The following PTGR2 variants were observed in gnomAD, a reference collection of about 807,000 sequenced individuals.
PTGR2 encodes the protein 15-oxoprostaglandin 13-reductase.
In PTGR2, 32 loss-of-function variants were observed where a neutral mutation model predicts 43.4. The ratio of observed to expected loss-of-function variants is 0.74; its 90% confidence interval spans 0.56 to 0.99. PTGR2 has a LOEUF of 0.99. Ranked by LOEUF, PTGR2 falls within the 50% of genes least tolerant of loss-of-function variation. PTGR2 has a pLI of 0.00. For synonymous variants in PTGR2, 106 were observed against 139.2 expected, an observed-to-expected ratio of 0.76 and a Z score of 1.68; for missense variants, 373 against 420.0, an observed-to-expected ratio of 0.89 and a Z score of 0.98.
chr14:73,880,263 C>T (rs781161723), intron 7 of PTGR2, 87 bp downstream of exon 7: 2 of 1,501,344 alleles, frequency 1.3e-6, no homozygotes, highest in Non-Finnish European at 1.8e-6. Context: ...TCTTCATAGA[C>T]ACTTTTTCTT....
chr14:73,884,710 G>C lies in PTGR2; in HGVS notation c.*533G>C, dbSNP rs1307054865. On this transcript the variant is annotated 3_prime_UTR_variant, in exon 10 of 10. Transcript: ENST00000555661. ...TGGTATGATGTGTACATAGGGACTGGGGGCAGGATTGGGGGTTTCGGAGCT... is the reference window on the plus strand; with the variant it reads ...TGGTATGATGTGTACATAGGGACTGCGGGCAGGATTGGGGGTTTCGGAGCT... 6.6e-6 allele frequency: 1 copy of C among 152,150 alleles called. No individual in the cohort carries two copies. The highest frequency in any genetic ancestry group is 1.5e-5 in the Non-Finnish European group (1 of 68,156). The allele number at this position is 152,150 out of a possible 1,614,324, so 9.4% of individuals were successfully genotyped here. A position where few individuals can be genotyped will look rare whatever the true frequency, so the allele number is the denominator to read the frequency against.
rs758597732 is a variant in PTGR2 at position 73,874,082 on chromosome 14, AGTC to A, written c.219_221del (p.Val74del). ...ATATAACACCTTGGCAGCTATCTCAAGTCGTTGATGGAGGAGGTATTGGAATTA... is the reference window on the plus strand; with the variant it reads ...ATATAACACCTTGGCAGCTATCTCAAGTTGATGGAGGAGGTATTGGAATTA... On this transcript the variant is annotated inframe_deletion, in exon 4 of 10. Coordinates refer to ENST00000555661, the MANE Select transcript of PTGR2 (RefSeq NM_001146154.2). 1.1e-5 allele frequency: 18 copies of A among 1,613,848 alleles called. No individual in the cohort carries two copies. Among genetic ancestry groups the A allele is most frequent in the Non-Finnish European group, 1.5e-5 (18 of 1,179,862 alleles).
chr14:73,876,562 A>G (rs2054870772), intron 4 of PTGR2, among the ~76,000 whole-genome samples: 1 of 143,354 alleles, frequency 7.0e-6, no homozygotes, highest in Admixed American at 7.5e-5. Context: ...GCTCACTGCA[A>G]CCTCCTGGGT....
chr14:73,853,138 T>A (rs1343184999), intron 1 of PTGR2, among the ~76,000 whole-genome samples: 1 of 151,964 alleles, frequency 6.6e-6, no homozygotes, highest in Non-Finnish European at 1.5e-5. Context: ...ATACGTTTTA[T>A]AACAAGGCGT....
At chr14:73,877,304 C>A (rs2054888995) in intron 5 of PTGR2, 136 bp downstream of exon 5, 2 of 803,458 alleles carry the variant, frequency 2.5e-6, no homozygotes, top group Non-Finnish European at 3.7e-6. Flanking sequence ...GAGACAGAGT[C>A]TCCAGGCTGG....
intron 1 of PTGR2, among the ~76,000 whole-genome samples, chr14:73,857,664 G>GTTTTTTTTTTTTTTTTTTTTTTT (rs1213963564): frequency 1.5e-5 from 1 of 64,694 alleles, no homozygotes. Flanking sequence ...AGCAGTTAGT[G>GTTTTTTTTTTTTTTTTTTTTTTT]TTTTTTTTTT....
At chr14:73,862,107 C>CT (rs974600869) in intron 3 of PTGR2, among the ~76,000 whole-genome samples, 32 of 144,344 alleles carry the variant, frequency 2.2e-4, no homozygotes, top group Middle Eastern at 3.7e-3. Flanking sequence ...TCAAACTGTT[C>CT]TTTTTTTTTT....
chr14:73,884,091 CTT>C lies in PTGR2; in HGVS notation c.980-6_980-5del, dbSNP rs34322672. 3,215 of 1,584,556 alleles carry C rather than the reference CTT, an allele frequency of 2.0e-3. 60 individuals carry two copies. The African/African-American group carries it at 0.039, about 19-fold the overall frequency. ...TATCTTTTCAGATAACCTACTTTCT[CTT>C]TTTCCAGCTGCATTCCAGTCCATGA... On this transcript the variant is annotated splice_region_variant and splice_polypyrimidine_tract_variant and intron_variant, in intron 9 of 9. Coordinates refer to ENST00000555661, the MANE Select transcript of PTGR2 (RefSeq NM_001146154.2).
At chr14:73,880,631 T>A (rs868735599) in intron 7 of PTGR2, among the ~76,000 whole-genome samples, 1 of 152,076 alleles carries the variant, frequency 6.6e-6, no homozygotes, top group African/African-American at 2.4e-5. Context: ...ACACATTTTT[T>A]AAGCTGGTTC....
At chr14:73,869,282 C>T (rs557271882) in intron 3 of PTGR2, among the ~76,000 whole-genome samples, 4 of 152,066 alleles carry the variant, frequency 2.6e-5, no homozygotes, top group African/African-American at 9.6e-5. Flanking sequence ...ACTTATAATC[C>T]CAGCACACTG....
intron 1 of PTGR2, chr14:73,858,260 C>T (rs2007139): frequency 0.83 from 126,231 of 152,082 alleles, 52,989 homozygotes; most frequent in East Asian, 0.94. Context: ...CCAAAAACAT[C>T]TTGCCCCACT....
At chr14:73,874,502 CAG>C (rs2054810955) in intron 4 of PTGR2, 1 of 495,204 alleles carries the variant, frequency 2.0e-6, no homozygotes, top group South Asian at 1.6e-5. Context: ...TGGAGCCTCA[CAG>C]AAGAATAGGA....
intron 3 of PTGR2, among the ~76,000 whole-genome samples, chr14:73,873,465 C>CTT (rs373183552): frequency 1.4e-5 from 2 of 145,856 alleles, no homozygotes; most frequent in Non-Finnish European, 1.5e-5. Flanking sequence ...CTTTTCTTTT[C>CTT]TTTTTTTTTT....
intron 3 of PTGR2, among the ~76,000 whole-genome samples, chr14:73,870,721 C>G (rs1266037373): frequency 1.3e-5 from 2 of 151,564 alleles, no homozygotes; most frequent in African/African-American, 2.4e-5. Flanking sequence ...AAAGTCCTGG[C>G]CTCAAGCGAT....
At chr14:73,855,508 G>A (rs151314904) in intron 1 of PTGR2, among the ~76,000 whole-genome samples, 9 of 151,946 alleles carry the variant, frequency 5.9e-5, no homozygotes, top group African/African-American at 9.6e-5. Flanking sequence ...GTACAGTGGC[G>A]TGATCTCGGC....
intron 7 of PTGR2, 60 bp downstream of exon 7, chr14:73,880,236 TG>T (rs747491575): frequency 6.3e-7 from 1 of 1,582,124 alleles, no homozygotes; most frequent in African/African-American, 1.3e-5. Context: ...ATCATAGATG[TG>T]TATGAAATCT....
intron 9 of PTGR2, among the ~76,000 whole-genome samples, chr14:73,883,595 C>T (rs1338832651): frequency 1.3e-5 from 2 of 151,936 alleles, no homozygotes; most frequent in African/African-American, 4.8e-5. Context: ...AGGTGATGCT[C>T]CCACCTTAGC....
chr14:73,863,073 G>T (rs1482975682), intron 3 of PTGR2, among the ~76,000 whole-genome samples: 1 of 152,060 alleles, frequency 6.6e-6, no homozygotes, highest in Non-Finnish European at 1.5e-5. Flanking sequence ...CACTTAAAGA[G>T]TACAACTAAA....
intron 7 of PTGR2, 177 bp downstream of exon 7, chr14:73,880,353 G>C (rs2054953940): frequency 1.6e-6 from 1 of 634,502 alleles, no homozygotes; most frequent in Admixed American, 2.3e-5. Flanking sequence ...CGGGTGGATT[G>C]CTTGAGGCCA....
Sources: allele counts gnomAD v4.1 joint callset (sites outside exome capture counted in the v4.1 genomes callset), GRCh38; gene constraint gnomAD v4.1.1; transcripts MANE v1.5; gene names NCBI Gene and HGNC (gene_info 2026-07-23, HGNC 2026-07-21).